NASP: variants seen among roughly 807,000 people sequenced by gnomAD.
NASP encodes nuclear autoantigenic sperm protein.
NASP carries 24 observed loss-of-function variants against 89.5 expected under a neutral mutation model. The ratio of observed to expected loss-of-function variants is 0.27; its 90% CI spans 0.19 to 0.38. The LOEUF is 0.38. Among genes scored for constraint, NASP ranks in the 10% least tolerant of loss-of-function variants. NASP has a pLI of 1.00. For synonymous variants in NASP, 306 were observed against 324.7 expected, an observed-to-expected ratio of 0.94 and a Z score of 0.62; for missense variants, 848 against 921.4, an observed-to-expected ratio of 0.92 and a Z score of 1.03.
chr1:45,595,132 TG>T (rs1557653241), intron 2 of NASP, among the ~76,000 whole-genome samples: 18 of 11,052 alleles, frequency 1.6e-3, no homozygotes, highest in African/African-American at 2.4e-3. Flanking sequence ...CTAAGTTTTG[TG>T]TGTGTGTGTG....
intron 2 of NASP, among the ~76,000 whole-genome samples, chr1:45,591,990 A>G (rs1643561766): frequency 6.6e-6 from 1 of 151,876 alleles, no homozygotes; most frequent in African/African-American, 2.4e-5. Flanking sequence ...CTGGCTAATT[A>G]TTTTATTTAT....
At chr1:45,608,491 T>G (rs576949858) in intron 6 of NASP, 154 bp downstream of exon 6, 1 of 744,748 alleles carries the variant, frequency 1.3e-6, no homozygotes, top group Non-Finnish European at 2.2e-6. Context: ...AACAAGGTCG[T>G]GATAGTCAAG....
chr1:45,590,682 C>CTTTT (rs386366869), intron 1 of NASP, among the ~76,000 whole-genome samples: 1,195 of 107,104 alleles, frequency 0.011, 15 homozygotes, highest in East Asian at 0.017. Context: ...CATAGTGTAA[C>CTTTT]TTTTTTTTTT....
chr1:45,584,264 C>G (rs1644493744), intron 1 of NASP, 59 bp downstream of exon 1: 1 of 1,478,134 alleles, frequency 6.8e-7, no homozygotes, highest in Non-Finnish European at 9.2e-7. Context: ...GGCTAATGGA[C>G]GGGGGCTCCG....
rs1643540728 is a variant in NASP at position 45,591,244 on chromosome 1, T to G, written c.81T>G (p.Pro27=). 6.5e-7 allele frequency: 1 copy of G among 1,548,584 alleles called. No individual in the cohort carries two copies. Among genetic ancestry groups the G allele is most frequent in the Admixed American group, 2.1e-5 (1 of 47,060 alleles). The stretch of plus-strand genomic sequence containing the variant: ...ACAGAATTGAAGATGTTCCTGCTCC[T>G]TCTACATCTGCAGATAAAGTGGAGA... ...SADKIEDVPA[P]STSADKVESL... The change falls in exon 2 of 15, where the codon CCT becomes CCG. Residue 27 remains proline (P), a synonymous_variant. Coordinates refer to ENST00000350030, the MANE Select transcript of NASP (RefSeq NM_002482.4).
At chr1:45,616,525 A>G (rs981836023) in intron 12 of NASP, 101 bp from the exon 13 acceptor site, 176 of 1,496,540 alleles carry the variant, frequency 1.2e-4, no homozygotes, top group Middle Eastern at 6.9e-4. Context: ...AGCTTGGGCA[A>G]CATAGTGAGA....
At chr1:45,595,002 T>C (rs371477659) in intron 2 of NASP, among the ~76,000 whole-genome samples, 31 of 152,104 alleles carry the variant, frequency 2.0e-4, no homozygotes, top group Admixed American at 7.2e-4. Context: ...TTCTTTTTTT[T>C]CCCCCCTTGA....
chr1:45,604,225 A>C (rs757407205), intron 3 of NASP, among the ~76,000 whole-genome samples: 27 of 152,154 alleles, frequency 1.8e-4, no homozygotes, highest in Non-Finnish European at 3.7e-4. Context: ...ACTCCATGAA[A>C]GCCAGTCTTC....
rs1643890255 is a variant in NASP at position 45,605,009 on chromosome 1, T to C, written c.292T>C (p.Leu98=). The C allele has an allele frequency of 6.2e-7, 1 of 1,609,844 alleles. No homozygotes were observed. The highest frequency in any genetic ancestry group is 8.5e-7 in the Non-Finnish European group (1 of 1,176,414). ...FFFYGKSLLE[L]ARMENGVLGN... is the part of the protein sequence containing the mutation. ...TTTCTATGGGAAATCACTTCTGGAG[T>C]TGGCAAGGTATGGATGTTGTATTTA... Residue 98 remains leucine (L), a synonymous_variant, in exon 4 of 15, where the codon TTG becomes CTG. Transcript: ENST00000350030.
At chr1:45,613,119 A>G (rs1644043444) in intron 6 of NASP, 50 bp from the exon 7 acceptor site, 3 of 1,567,560 alleles carry the variant, frequency 1.9e-6, no homozygotes. Flanking sequence ...CTGACTAGTC[A>G]GAATACGTTC....
At chr1:45,604,858 A>T in intron 3 of NASP, 78 bp from the exon 4 acceptor site, 1 of 1,131,150 alleles carries the variant, frequency 8.8e-7, no homozygotes, top group East Asian at 2.4e-5. Flanking sequence ...AGAAATATCA[A>T]TTTATAACTG....
At chr1:45,613,707 C>G (rs955861481) in intron 7 of NASP, among the ~76,000 whole-genome samples, 9 of 152,184 alleles carry the variant, frequency 5.9e-5, no homozygotes, top group Admixed American at 5.2e-4. Context: ...CCAGGCTGGT[C>G]TCAAACCTGG....
At chr1:45,585,471 A>C (rs1009804509) in intron 1 of NASP, among the ~76,000 whole-genome samples, 4 of 152,150 alleles carry the variant, frequency 2.6e-5, no homozygotes, top group Non-Finnish European at 5.9e-5. Context: ...AGTCACCCTG[A>C]GAATCATTTG....
At chr1:45,604,905 T>A in intron 3 of NASP, 31 bp from the exon 4 acceptor site, 1 of 1,481,150 alleles carries the variant, frequency 6.8e-7, no homozygotes, top group East Asian at 2.3e-5. Context: ...TAGATGGTAA[T>A]TCAGATTTTA....
At chr1:45,614,411 C>T (rs1399954889) in intron 9 of NASP, 45 bp downstream of exon 9, 5 of 1,410,552 alleles carry the variant, frequency 3.5e-6, no homozygotes, top group South Asian at 1.2e-5. Flanking sequence ...CTTCAGCTCC[C>T]TCGTTCTTCC....
Position 45,587,290 on chromosome 1 carries a change from A to G in NASP, c.59+3085A>G, listed in dbSNP as rs1256837515. 2.0e-5 allele frequency among the ~76,000 whole-genome samples: 3 copies of G among 151,502 alleles called. No individual in the cohort carries two copies. The South Asian group carries it at 6.3e-4, about 32-fold the overall frequency. On this transcript the variant is annotated intron_variant, in intron 1 of 14. Coordinates refer to ENST00000350030, the MANE Select transcript of NASP (RefSeq NM_002482.4). ...AACCTCCGCCCTCCCGGATTCAAGC[A>G]AGTCTCTTGCCTCAGCCTCCCAAGT...
At chr1:45,585,485 A>G (rs906169214) in intron 1 of NASP, among the ~76,000 whole-genome samples, 3 of 151,880 alleles carry the variant, frequency 2.0e-5, no homozygotes, top group Admixed American at 6.6e-5. Flanking sequence ...TCATTTGGGA[A>G]CTCATGGGAA....
Position 45,606,489 on chromosome 1 carries a change from A to G in NASP, c.307A>G (p.Asn103Asp). The change falls in exon 5 of 15, where the codon AAT becomes GAT. Residue 103 changes from asparagine (N) to aspartate (D), a missense_variant. Transcript: ENST00000350030. ...KSLLELARME[N>D]GVLGNALEGV... ...TTTCTTTTGTTCTCCTAGAATGGAG[A>G]ATGGTGTGTTGGGAAACGCCTTGGA... is the stretch of plus-strand genomic sequence containing the variant. The G allele has an allele frequency of 1.2e-6, 2 of 1,612,616 alleles. No individual in the cohort carries two copies. The highest frequency in any genetic ancestry group is 1.7e-6 in the Non-Finnish European group (2 of 1,178,750).
chr1:45,589,673 G>T (rs1455508380), intron 1 of NASP, among the ~76,000 whole-genome samples: 1 of 152,140 alleles, frequency 6.6e-6, no homozygotes, highest in Non-Finnish European at 1.5e-5. Flanking sequence ...GCCCAGGCGG[G>T]AGGATCACTT....
Sources: gnomAD v4.1 joint callset for allele counts (sites outside exome capture counted in the v4.1 genomes callset) on GRCh38, gnomAD v4.1.1 for gene constraint, MANE v1.5 for transcripts, NCBI Gene and HGNC (gene_info 2026-07-23, HGNC 2026-07-21) for gene names.